LINGO1: variants seen among roughly 807,000 people sequenced by gnomAD.
LINGO1 encodes the protein leucine rich repeat and Ig domain containing 1.
Under a neutral mutation model 37.3 loss-of-function variants are expected in LINGO1, and 11 were observed. The ratio of observed to expected loss-of-function variants is 0.29; its 90% CI spans 0.19 to 0.49. The LOEUF is 0.49. LINGO1 is among the 20% of genes least tolerant of loss of function. The probability of loss-of-function intolerance (pLI) is 0.99; values close to 1 mark genes in which losing one functional copy is unlikely to be tolerated. For synonymous variants in LINGO1, 387 were observed against 403.0 expected, an observed-to-expected ratio of 0.96 and a Z score of 0.48; for missense variants, 585 against 878.2, an observed-to-expected ratio of 0.67 and a Z score of 4.22.
chr15:77,703,657 A>C (rs1019760372), intron 2 of LINGO1, among the ~76,000 whole-genome samples: 9 of 152,302 alleles, frequency 5.9e-5, no homozygotes, highest in African/African-American at 1.9e-4. Flanking sequence ...CACAATGCTC[A>C]AAATGCCTCC....
At chr15:77,816,070 C>T (rs561763138) in intron 1 of LINGO1, among the ~76,000 whole-genome samples, 2 of 152,300 alleles carry the variant, frequency 1.3e-5, no homozygotes, top group East Asian at 1.9e-4. Context: ...GATCAAGTGC[C>T]GGAAAATCTC....
At chr15:77,806,226 C>T (rs1308623930) in intron 1 of LINGO1, among the ~76,000 whole-genome samples, 4 of 152,268 alleles carry the variant, frequency 2.6e-5, no homozygotes, top group African/African-American at 9.6e-5. Context: ...GTCTGGCTGC[C>T]GGCTTCAATA....
intron 1 of LINGO1, among the ~76,000 whole-genome samples, chr15:77,692,152 T>C (rs2075615399): frequency 6.6e-6 from 1 of 152,224 alleles, no homozygotes. Flanking sequence ...AACACATATG[T>C]GCATCGTACT....
At chr15:77,630,414 C>T (rs2074220781) in intron 1 of LINGO1, among the ~76,000 whole-genome samples, 1 of 152,224 alleles carries the variant, frequency 6.6e-6, no homozygotes, top group African/African-American at 2.4e-5. Context: ...AACCACCCAC[C>T]TCCACAAGAG....
At chr15:77,779,648 G>A (rs925504061) in intron 1 of LINGO1, among the ~76,000 whole-genome samples, 7 of 152,096 alleles carry the variant, frequency 4.6e-5, no homozygotes, top group Admixed American at 2.6e-4. Context: ...TTATGGGGGC[G>A]GAGCTCAGGC....
At chr15:77,660,007 G>C (rs1333149792) in intron 3 of LINGO1, 2 of 151,852 alleles carry the variant, frequency 1.3e-5, no homozygotes, top group African/African-American at 2.4e-5. Context: ...GAAAGTCCTT[G>C]TTAGAATGCA....
At chr15:77,810,702 C>T (rs965105562) in intron 1 of LINGO1, among the ~76,000 whole-genome samples, 6 of 152,196 alleles carry the variant, frequency 3.9e-5, no homozygotes, top group African/African-American at 1.2e-4. Context: ...CTTCTAGTTC[C>T]AGCATTCTGT....
At chr15:77,674,768 TG>T (rs1385136907) in intron 3 of LINGO1, among the ~76,000 whole-genome samples, 1 of 151,876 alleles carries the variant, frequency 6.6e-6, no homozygotes, top group Non-Finnish European at 1.5e-5. Context: ...CCCCCTCCTC[TG>T]CTTGATTTTT....
chr15:77,624,579 T>C (rs530278678), intron 1 of LINGO1, among the ~76,000 whole-genome samples: 1 of 152,306 alleles, frequency 6.6e-6, no homozygotes, highest in African/African-American at 2.4e-5. Flanking sequence ...CATCTTAGTG[T>C]TTAAAGGCTT....
At chr15:77,634,121 G>A (rs992119619), upstream of LINGO1, among the ~76,000 whole-genome samples, 1 of 152,162 alleles carries the variant, frequency 6.6e-6, no homozygotes, top group Non-Finnish European at 1.5e-5. Flanking sequence ...GGCAGACGCT[G>A]GAATCCCAGT....
At chr15:77,813,503 G>C (rs901318648) in intron 1 of LINGO1, among the ~76,000 whole-genome samples, 3 of 152,162 alleles carry the variant, frequency 2.0e-5, no homozygotes, top group African/African-American at 7.2e-5. Flanking sequence ...ATGACAGCCA[G>C]CCTGGGCTTG....
At chr15:77,664,999 C>T (rs754835509) in intron 3 of LINGO1, among the ~76,000 whole-genome samples, 4 of 152,204 alleles carry the variant, frequency 2.6e-5, no homozygotes, top group Admixed American at 6.5e-5. Context: ...CTTGTACACA[C>T]GTGTGCCTGA....
intron 1 of LINGO1, chr15:77,784,669 T>C (rs1187710172): frequency 6.6e-6 from 1 of 152,142 alleles, no homozygotes; most frequent in Non-Finnish European, 1.5e-5. Flanking sequence ...CTCATAGGTT[T>C]TAATTTGGAG....
chr15:77,727,724 A>G (rs2076116488), intron 2 of LINGO1, among the ~76,000 whole-genome samples: 1 of 126,910 alleles, frequency 7.9e-6, no homozygotes, highest in African/African-American at 2.6e-5. Context: ...TACATTTTAT[A>G]TGTTTTTTTT....
At chr15:77,754,546 G>A (rs1436898775) in intron 1 of LINGO1, among the ~76,000 whole-genome samples, 4 of 152,180 alleles carry the variant, frequency 2.6e-5, no homozygotes, top group East Asian at 1.9e-4. Context: ...AGGCACACCC[G>A]CCTCCCAGGG....
At chr15:77,787,936 C>T (rs1025779690), upstream of LINGO1, 7 of 152,242 alleles carry the variant, frequency 4.6e-5, no homozygotes, top group African/African-American at 1.4e-4. Context: ...CACCAGGCAA[C>T]AGCTGCCAAC....
At chr15:77,701,513 G>A (rs1344194691) in intron 2 of LINGO1, among the ~76,000 whole-genome samples, 2 of 152,192 alleles carry the variant, frequency 1.3e-5, no homozygotes, top group Non-Finnish European at 2.9e-5. Context: ...TTGGGTGTCT[G>A]TCGCCTCCAA....
chr15:77,662,034 T>C (rs890873738), intron 3 of LINGO1, among the ~76,000 whole-genome samples: 20 of 152,136 alleles, frequency 1.3e-4, no homozygotes, highest in Non-Finnish European at 4.4e-5. Context: ...CAAGAGGAGA[T>C]GGTAGGTAGG....
intron 2 of LINGO1, among the ~76,000 whole-genome samples, chr15:77,678,517 T>C (rs957889340): frequency 3.9e-5 from 6 of 152,368 alleles, no homozygotes; most frequent in Middle Eastern, 3.4e-3. Flanking sequence ...TCAGAATGTC[T>C]TTCTTTTTTG....
Sources: gnomAD v4.1 joint callset for allele counts (sites outside exome capture counted in the v4.1 genomes callset) on GRCh38, gnomAD v4.1.1 for gene constraint, MANE v1.5 for transcripts, NCBI Gene and HGNC (gene_info 2026-07-23, HGNC 2026-07-21) for gene names.